The following ITIH2 variants were observed in gnomAD, a reference collection of about 807,000 sequenced individuals.
The protein encoded by ITIH2 is inter-alpha-trypsin inhibitor heavy chain H2.
In ITIH2, 103 loss-of-function variants were observed where a neutral mutation model predicts 104.4. The ratio of observed to expected loss-of-function variants is 0.99; its 90% CI spans 0.84 to 1.16. The LOEUF is 1.16. Ranked by LOEUF, ITIH2 falls within the 50% of genes most tolerant of loss-of-function variation. The pLI is 0.00. For missense variants in ITIH2, 1,108 were observed against 1,162.4 expected, an observed-to-expected ratio of 0.95 and a Z score of 0.68; for synonymous variants, 436 against 435.4, an observed-to-expected ratio of 1.00 and a Z score of -0.02.
At position 7,731,868 on chromosome 10, in the gene ITIH2, C is replaced by G; in HGVS notation, c.1519C>G (p.His507Asp). The G allele has an allele frequency of 6.2e-7, 1 of 1,613,860 alleles. No individual in the cohort carries two copies. The highest frequency in any genetic ancestry group is 8.5e-7 in the Non-Finnish European group (1 of 1,179,746). ...LLRNVQFNYP[H>D]TSVTDVTQNN... is the part of the protein sequence containing the mutation. ...CCGGAATGTTCAGTTCAACTATCCC[C>G]ATACATCAGTCACGGACGTCACTCA... The change falls in exon 13 of 21, where the codon CAT (histidine) becomes GAT (aspartate). Residue 507 changes from histidine to aspartate, a missense_variant. Coordinates refer to ENST00000358415, the MANE Select transcript of ITIH2 (RefSeq NM_002216.3).
intron 4 of ITIH2, 90 bp downstream of exon 4, chr10:7,709,281 A>T: frequency 8.3e-7 from 1 of 1,202,818 alleles, no homozygotes; most frequent in Non-Finnish European, 1.2e-6. Flanking sequence ...TTAGTGGTCA[A>T]CTGTCCCAGA....
chr10:7,731,662 T>C, intron 12 of ITIH2, 149 bp from the exon 13 acceptor site: 1 of 469,792 alleles, frequency 2.1e-6, no homozygotes, highest in Non-Finnish European at 3.6e-6. Context: ...GAGCCGGAGA[T>C]TGCAGTGAGA....
chr10:7,708,723 A>AC (rs1341530704), intron 3 of ITIH2, among the ~76,000 whole-genome samples: 1 of 152,066 alleles, frequency 6.6e-6, no homozygotes, highest in East Asian at 1.9e-4. Flanking sequence ...CTGGCTTCCC[A>AC]CACCGTTTTC....
chr10:7,715,549 G>T (rs1338667853), intron 5 of ITIH2, among the ~76,000 whole-genome samples: 4 of 152,150 alleles, frequency 2.6e-5, no homozygotes, highest in African/African-American at 9.7e-5. Context: ...AGATACGGCA[G>T]GGAACGCAGA....
chr10:7,726,506 C>A (rs1466044009), intron 9 of ITIH2, among the ~76,000 whole-genome samples: 1 of 152,028 alleles, frequency 6.6e-6, no homozygotes, highest in Non-Finnish European at 1.5e-5. Flanking sequence ...TGGGAATGTT[C>A]TTCTGTCTGC....
At chr10:7,728,473 C>T (rs1006795603) in intron 11 of ITIH2, among the ~76,000 whole-genome samples, 5 of 152,156 alleles carry the variant, frequency 3.3e-5, no homozygotes, top group Non-Finnish European at 7.4e-5. Flanking sequence ...CCTCAACCTC[C>T]CATGCTCAAG....
chr10:7,708,294 G>A (rs1434081497), intron 3 of ITIH2, among the ~76,000 whole-genome samples: 1 of 152,204 alleles, frequency 6.6e-6, no homozygotes, highest in Non-Finnish European at 1.5e-5. Context: ...TGAAAGGTGT[G>A]GGTTTCTAGG....
At chr10:7,732,043 A>G (rs1429025487) in intron 13 of ITIH2, 47 bp downstream of exon 13, 1 of 1,428,186 alleles carries the variant, frequency 7.0e-7, no homozygotes, top group South Asian at 1.2e-5. Context: ...GACCCCCTAG[A>G]TACAGTCCCT....
chr10:7,734,934 T>C lies in ITIH2; in HGVS notation c.1800T>C (p.Pro600=), dbSNP rs1243498483. Residue 600 remains proline (P), a synonymous_variant, in exon 15 of 21, where the codon CCT becomes CCC. Transcript: ENST00000358415. ...TTCTTGAATACAGAAGCCTGGCTCC[T>C]ACAGCTGCCGCCAAGAGAAGAATTA... ...NQLLAERSLA[P]TAAAKRRITR... 6.2e-7 allele frequency: 1 copy of C among 1,612,328 alleles called. No individual in the cohort carries two copies.
At chr10:7,731,601 C>T (rs1450860523) in intron 12 of ITIH2, among the ~76,000 whole-genome samples, 3 of 151,882 alleles carry the variant, frequency 2.0e-5, no homozygotes, top group African/African-American at 4.8e-5. Flanking sequence ...GGCGGGTGCC[C>T]GTAATCCCAG....
intron 5 of ITIH2, among the ~76,000 whole-genome samples, chr10:7,717,173 C>T (rs896060820): frequency 6.6e-6 from 1 of 152,026 alleles, no homozygotes; most frequent in Non-Finnish European, 1.5e-5. Flanking sequence ...AGGCTGGTCT[C>T]GAACTCCTGA....
intron 14 of ITIH2, among the ~76,000 whole-genome samples, chr10:7,733,378 G>T (rs1467150332): frequency 1.3e-5 from 2 of 152,148 alleles, no homozygotes; most frequent in Non-Finnish European, 2.9e-5. Flanking sequence ...TTACAGGCAT[G>T]AGCCACTGCA....
rs576479549 is a variant in ITIH2, at chr10:7,732,419, C to G, written c.1729C>G (p.Pro577Ala). The change falls in exon 14 of 21, where the codon CCC (proline) becomes GCC (alanine). Residue 577 changes from proline (P) to alanine (A), a missense_variant. Physicochemically the swap from Pro to Ala is conservative, Grantham distance 27 (BLOSUM62 -1). Coordinates refer to ENST00000358415, the MANE Select transcript of ITIH2 (RefSeq NM_002216.3). ...TCTATCGAAAGACAAGCATGCAGATCCCGATTTCACCAGGAAACTGTGGGC... is the reference window on the plus strand; with the variant it reads ...TCTATCGAAAGACAAGCATGCAGATGCCGATTTCACCAGGAAACTGTGGGC... ...DFLSKDKHAD[P>A]DFTRKLWAYL... 11 of 1,614,080 alleles carry G rather than the reference C, an allele frequency of 6.8e-6. No individual in the cohort carries two copies. In the South Asian group the frequency reaches 9.9e-5, roughly 15 times the overall value.
At chr10:7,723,068 A>G (rs1017260442) in intron 8 of ITIH2, among the ~76,000 whole-genome samples, 5 of 146,630 alleles carry the variant, frequency 3.4e-5, no homozygotes, top group Non-Finnish European at 6.0e-5. Flanking sequence ...AGTGGAGTGG[A>G]GCAGCGTGGC....
chr10:7,726,986 A>G lies in ITIH2; in HGVS notation c.1021A>G (p.Arg341Gly). The G allele has an allele frequency of 6.2e-7, 1 of 1,613,992 alleles. No homozygotes were observed. The highest frequency in any genetic ancestry group is 1.3e-5 in the African/African-American group (1 of 75,064). Residue 341 changes from arginine to glycine, a missense_variant, in exon 10 of 21, where the codon AGA becomes GGA. Arg to Gly is a moderately radical substitution (Grantham distance 125). Transcript: ENST00000358415. ...EAMKTILDDLRAEDHFSVIDF... is the reference protein window; with the variant it reads ...EAMKTILDDLGAEDHFSVIDF... ...AATGAAGACCATATTGGATGACCTC[A>G]GAGCAGAAGACCATTTCTCTGTGAT...
chr10:7,744,566 C>T (rs1835157530), intron 18 of ITIH2, among the ~76,000 whole-genome samples: 1 of 152,240 alleles, frequency 6.6e-6, no homozygotes, highest in Non-Finnish European at 1.5e-5. Flanking sequence ...TCCATACTGA[C>T]TCTATCGCAG....
intron 20 of ITIH2, among the ~76,000 whole-genome samples, chr10:7,748,837 T>C (rs1835206921): frequency 6.6e-6 from 1 of 152,032 alleles, no homozygotes; most frequent in Admixed American, 6.6e-5. Context: ...TGAGCCACCA[T>C]GCCTGGCTGC....
Position 7,721,650 on chromosome 10 carries a change from C to CGCACGTCTCCTTCAA in ITIH2, c.743_757dup (p.His248_Lys252dup), listed in dbSNP as rs746108088. ...CTCTGATGTCACCGTTCTTTCTAGG[C>CGCACGTCTCCTTCAA]GCACGTCTCCTTCAAGCCCACGGTA... On this transcript the variant is annotated inframe_insertion and splice_region_variant, in exon 8 of 21. Transcript: ENST00000358415. 21 of 1,612,912 alleles carry CGCACGTCTCCTTCAA rather than the reference C, an allele frequency of 1.3e-5. No homozygotes were observed. The highest frequency in any genetic ancestry group is 1.6e-5 in the Non-Finnish European group (19 of 1,179,326).
rs780755728 is a variant in ITIH2 at position 7,731,855 on chromosome 10, G to A, written c.1506G>A (p.Gln502=). The stretch of plus-strand genomic sequence containing the variant: ...CCACTCCATTGCTCCGGAATGTTCA[G>A]TTCAACTATCCCCATACATCAGTCA... ...QVSTPLLRNV[Q]FNYPHTSVTD... is the part of the protein sequence containing the mutation. Residue 502 remains glutamine, a synonymous_variant, in exon 13 of 21, where the codon CAG becomes CAA. Transcript: ENST00000358415. The A allele has an allele frequency of 6.2e-7, 1 of 1,613,678 alleles. No homozygotes were observed. The highest frequency in any genetic ancestry group is 1.1e-5 in the South Asian group (1 of 91,030).
Sources: gnomAD v4.1 joint callset for allele counts (sites outside exome capture counted in the v4.1 genomes callset) on GRCh38, gnomAD v4.1.1 for gene constraint, MANE v1.5 for transcripts, NCBI Gene and HGNC (gene_info 2026-07-23, HGNC 2026-07-21) for gene names.